The following PLPPR5 variants were observed in gnomAD, a reference collection of about 807,000 sequenced individuals.
PLPPR5 encodes phospholipid phosphatase-related protein type 5.
A neutral mutation model predicts 33.9 loss-of-function variants in PLPPR5; 16 were observed. The ratio of observed to expected loss-of-function variants is 0.47; its 90% CI spans 0.32 to 0.72. PLPPR5 has a LOEUF of 0.72. Ranked by LOEUF, PLPPR5 falls within the 30% of genes least tolerant of loss-of-function variation. PLPPR5 has a pLI of 0.03. For missense variants in PLPPR5, 301 were observed against 406.7 expected, an observed-to-expected ratio of 0.74 and a Z score of 2.23; for synonymous variants, 163 against 150.3, an observed-to-expected ratio of 1.08 and a Z score of -0.62.
At chr1:98,964,649 G>C (rs1651367501) in intron 1 of PLPPR5, among the ~76,000 whole-genome samples, 2 of 152,148 alleles carry the variant, frequency 1.3e-5, no homozygotes, top group Admixed American at 6.5e-5. Context: ...TCTGCCAAGA[G>C]AGGCAAAGCA....
intron 2 of PLPPR5, among the ~76,000 whole-genome samples, chr1:98,955,148 C>T (rs943611509): frequency 6.6e-6 from 1 of 152,042 alleles, no homozygotes; most frequent in African/African-American, 2.4e-5. Flanking sequence ...TACAGTGATG[C>T]TTCGCTTACA....
At chr1:98,970,834 G>A (rs1651630911) in intron 1 of PLPPR5, among the ~76,000 whole-genome samples, 2 of 152,044 alleles carry the variant, frequency 1.3e-5, no homozygotes, top group South Asian at 2.1e-4. Context: ...CACTTTATGA[G>A]ATACATATTA....
At chr1:98,955,398 T>C (rs1170716862) in intron 2 of PLPPR5, among the ~76,000 whole-genome samples, 3 of 152,148 alleles carry the variant, frequency 2.0e-5, no homozygotes, top group Non-Finnish European at 4.4e-5. Flanking sequence ...TAAATAGTTT[T>C]AATTCTAAGC....
intron 1 of PLPPR5, among the ~76,000 whole-genome samples, chr1:98,979,645 T>C (rs1651985981): frequency 6.6e-6 from 1 of 152,038 alleles, no homozygotes; most frequent in Admixed American, 6.6e-5. Context: ...TGGTCCCAGG[T>C]TGCAGATTTC....
At chr1:98,897,654 A>ACC (rs1648528554) in intron 5 of PLPPR5, among the ~76,000 whole-genome samples, 1 of 152,120 alleles carries the variant, frequency 6.6e-6, no homozygotes, top group Non-Finnish European at 1.5e-5. Context: ...GCAATGATTT[A>ACC]TGTCTCTGAC....
In PLPPR5 at chr1:98,892,094, A is replaced by G. The variant is rs1648294429; in HGVS notation, c.*978T>C. The G allele has an allele frequency of 6.6e-6, 1 of 152,134 alleles. No homozygotes were observed. Among genetic ancestry groups the G allele is most frequent in the Admixed American group, 6.6e-5 (1 of 15,236 alleles). 9.4% of individuals were successfully genotyped at this position (152,134 alleles called of 1,614,324 possible). ...TTTGTAAACTATAAAGTACTACACA[A>G]ATGCAAAGTAAAATACATTAACCAT... On this transcript the variant is annotated 3_prime_UTR_variant, in exon 6 of 6. Coordinates refer to ENST00000263177, the MANE Select transcript of PLPPR5 (RefSeq NM_001037317.2).
At chr1:99,000,602 C>T (rs908673229) in intron 1 of PLPPR5, among the ~76,000 whole-genome samples, 1 of 149,058 alleles carries the variant, frequency 6.7e-6, no homozygotes, top group Non-Finnish European at 1.5e-5. Flanking sequence ...ACTCAAATTC[C>T]ATTTCAGTCT....
At chr1:98,909,348 C>T (rs1234248677) in intron 5 of PLPPR5, among the ~76,000 whole-genome samples, 2 of 150,204 alleles carry the variant, frequency 1.3e-5, no homozygotes, top group Non-Finnish European at 3.0e-5. Context: ...TTGTTTCTCT[C>T]ATCCACATGT....
chr1:98,999,777 C>G (rs1452550643), intron 1 of PLPPR5, among the ~76,000 whole-genome samples: 2 of 152,158 alleles, frequency 1.3e-5, no homozygotes, highest in Non-Finnish European at 1.5e-5. Context: ...CGCCAGCACC[C>G]TTGGGATAGC....
chr1:98,896,468 G>C (rs2101131125), intron 5 of PLPPR5, among the ~76,000 whole-genome samples: 1 of 152,226 alleles, frequency 6.6e-6, no homozygotes, highest in Non-Finnish European at 1.5e-5. Flanking sequence ...AGAATCATGA[G>C]AAGAAACTGG....
At chr1:98,968,502 C>T (rs6577268) in intron 1 of PLPPR5, among the ~76,000 whole-genome samples, 28,290 of 151,728 alleles carry the variant, frequency 0.19, 2,700 homozygotes, top group East Asian at 0.26. Flanking sequence ...TAAGCACAAG[C>T]AAAATTTAAC....
intron 1 of PLPPR5, among the ~76,000 whole-genome samples, chr1:99,001,686 A>ATG: frequency 6.9e-6 from 1 of 143,890 alleles, no homozygotes; most frequent in Middle Eastern, 3.7e-3. Context: ...ATATATATAT[A>ATG]TATATATATA....
At chr1:98,957,828 G>C (rs992256259) in intron 1 of PLPPR5, among the ~76,000 whole-genome samples, 4 of 152,154 alleles carry the variant, frequency 2.6e-5, no homozygotes, top group African/African-American at 9.7e-5. Context: ...CAAGAACAAG[G>C]TTCTGTTACA....
chr1:99,004,261 T>C (rs1231379592), intron 1 of PLPPR5, 174 bp downstream of exon 1: 3 of 600,438 alleles, frequency 5.0e-6, no homozygotes, highest in Non-Finnish European at 8.6e-6. Context: ...GGGGGCTTCC[T>C]TCGCACCCAC....
At chr1:98,986,330 A>G (rs1241839533) in intron 1 of PLPPR5, among the ~76,000 whole-genome samples, 1 of 151,910 alleles carries the variant, frequency 6.6e-6, no homozygotes, top group Non-Finnish European at 1.5e-5. Context: ...AAAATTATAA[A>G]ATGTACTAAC....
Position 98,922,749 on chromosome 1 carries a change from GC to G in PLPPR5, c.622-692del, listed in dbSNP as rs1306683358. ...TCCTGTAATCCCAGCACTTTGGGAG[GC>G]CGAGGCGGGCAGATAATGAGGTCAG... On this transcript the variant is annotated intron_variant, in intron 3 of 5. Transcript: ENST00000263177. Among the ~76,000 whole-genome samples the G allele has an allele frequency of 7.9e-5, 12 of 152,262 alleles. No individual in the cohort carries two copies. In the South Asian group the frequency reaches 2.3e-3, roughly 29 times the overall value.
chr1:98,950,870 T>G (rs1261241872), intron 3 of PLPPR5, among the ~76,000 whole-genome samples: 1 of 152,012 alleles, frequency 6.6e-6, no homozygotes, highest in African/African-American at 2.4e-5. Flanking sequence ...TATTTTTTTT[T>G]CTTTCTCTCT....
intron 1 of PLPPR5, among the ~76,000 whole-genome samples, chr1:98,976,539 A>C (rs904841446): frequency 6.6e-6 from 1 of 151,970 alleles, no homozygotes; most frequent in Non-Finnish European, 1.5e-5. Context: ...AGTTTCTTTA[A>C]TTAGCCAGAA....
intron 5 of PLPPR5, among the ~76,000 whole-genome samples, chr1:98,897,929 G>A (rs1648540724): frequency 6.6e-6 from 1 of 151,896 alleles, no homozygotes; most frequent in African/African-American, 2.4e-5. Flanking sequence ...ACTTATAAAA[G>A]CCACAGAAAC....
Sources: gnomAD v4.1 joint callset for allele counts (sites outside exome capture counted in the v4.1 genomes callset) on GRCh38, gnomAD v4.1.1 for gene constraint, MANE v1.5 for transcripts, NCBI Gene and HGNC (gene_info 2026-07-23, HGNC 2026-07-21) for gene names.